Variants in SEL1L3 observed in about 807,000 individuals in gnomAD.
SEL1L3 encodes the protein protein sel-1 homolog 3.
SEL1L3 carries 76 observed loss-of-function variants against 142.8 expected under a neutral mutation model. That is an observed-to-expected ratio of 0.53 (90% confidence interval 0.44 to 0.64). SEL1L3 has a LOEUF of 0.64. Ranked by LOEUF, SEL1L3 falls within the 30% of genes least tolerant of loss-of-function variation. The pLI is 0.00. For missense variants in SEL1L3, 1,262 were observed against 1,381.7 expected (o/e 0.91, Z 1.37); for synonymous variants, 504 against 519.6 (o/e 0.97, Z 0.41).
chr4:25,761,312 C>T (rs941564895), intron 20 of SEL1L3, among the ~76,000 whole-genome samples: 2 of 152,060 alleles, frequency 1.3e-5, no homozygotes, highest in African/African-American at 4.8e-5. Context: ...CCCACAGCCA[C>T]GCATGGCTAA....
chr4:25,802,246 G>T, intron 11 of SEL1L3, 37 bp downstream of exon 11: 2 of 1,576,064 alleles, frequency 1.3e-6, no homozygotes, highest in Non-Finnish European at 1.7e-6. Flanking sequence ...AGGTAAACAG[G>T]GCCATAACCA....
chr4:25,835,256 G>A lies in SEL1L3; in HGVS notation c.801C>T (p.Phe267=), dbSNP rs80213160. 1 of 1,613,840 alleles carries A rather than the reference G, an allele frequency of 6.2e-7. No homozygotes were observed. The highest frequency in any genetic ancestry group is 1.3e-5 in the African/African-American group (1 of 74,910). Residue 267 remains phenylalanine (F), a synonymous_variant, in exon 3 of 24, where the codon TTC becomes TTT. Transcript: ENST00000399878. ...SGENTGIVKK[F]PRFRNRELEA... ...CCAGCTCTCGGTTCCGAAACCTCGG[G>A]AACTTCTTGACAATGCCTGTGTTTT...
At chr4:25,745,163 G>C (rs1211403317), downstream of SEL1L3, among the ~76,000 whole-genome samples, 3 of 152,168 alleles carry the variant, frequency 2.0e-5, no homozygotes, top group Admixed American at 6.5e-5. Flanking sequence ...GGGAGGCTGT[G>C]GTGGATGGAT....
the SEL1L3 span, among the ~76,000 whole-genome samples, chr4:25,724,759 AAAAAAAAAAAAAG>A: frequency 4.2e-3 from 326 of 77,204 alleles, 17 homozygotes; most frequent in Admixed American, 0.013. Context: ...AAAAAAAAAA[AAAAAAAAAAAAAG>A]GAAAAGAAAT....
intron 9 of SEL1L3, among the ~76,000 whole-genome samples, chr4:25,810,550 A>G (rs1288321431): frequency 6.6e-6 from 1 of 152,064 alleles, no homozygotes; most frequent in Admixed American, 6.5e-5. Flanking sequence ...CTAAAACACC[A>G]CCGTACTAGC....
intron 17 of SEL1L3, among the ~76,000 whole-genome samples, chr4:25,769,184 G>A (rs567997908): frequency 3.3e-5 from 5 of 152,212 alleles, no homozygotes; most frequent in South Asian, 2.1e-4. Context: ...GGAAAGGTTC[G>A]GTGAGGGGGA....
intron 23 of SEL1L3, chr4:25,756,958 G>A (rs4401441): frequency 0.84 from 1,043,116 of 1,248,310 alleles, 436,307 homozygotes; most frequent in East Asian, 1. Context: ...CAGTTTCTTA[G>A]GCTTTTTAAA....
rs1229684966 is a variant in SEL1L3, at chr4:25,748,352, C to A, written c.*73G>T. On this transcript the variant is annotated 3_prime_UTR_variant, in exon 24 of 24. Coordinates refer to ENST00000399878, the MANE Select transcript of SEL1L3 (RefSeq NM_015187.5). ...ATTTAAGGTGTTTATCAGGATCATG[C>A]CCTGGCCCCAGCTTCCCAATACCAG... is the stretch of plus-strand genomic sequence containing the variant. The A allele has an allele frequency of 4.1e-6, 6 of 1,457,060 alleles. No individual in the cohort carries two copies. In the East Asian group the frequency reaches 1.5e-4, roughly 36 times the overall value. 90.3% of individuals were successfully genotyped at this position (1,457,060 alleles called of 1,614,324 possible).
chr4:25,790,713 AAGG>A (rs1712266923), intron 11 of SEL1L3, 139 bp from the exon 12 acceptor site: 1 of 150,696 alleles, frequency 6.6e-6, no homozygotes, highest in South Asian at 7.9e-5. Flanking sequence ...GGAAGAAAAG[AAGG>A]AGAGAGGGAG....
chr4:25,834,582 T>C, intron 3 of SEL1L3, among the ~76,000 whole-genome samples: 1 of 152,172 alleles, frequency 6.6e-6, no homozygotes, highest in Non-Finnish European at 1.5e-5. Context: ...AGCTCCCTCC[T>C]GACCCACCCA....
chr4:25,741,254 C>T, the SEL1L3 span, among the ~76,000 whole-genome samples: 8 of 151,968 alleles, frequency 5.3e-5, no homozygotes, highest in Non-Finnish European at 1.2e-4. Context: ...CAGGCAGCCA[C>T]CACCACACCC....
chr4:25,774,299 C>A (rs115873115), intron 17 of SEL1L3, among the ~76,000 whole-genome samples: 1 of 152,122 alleles, frequency 6.6e-6, no homozygotes. Flanking sequence ...AGGCATCTCT[C>A]GAAACCTGTG....
chr4:25,804,885 C>T (rs1196496966), intron 9 of SEL1L3, 133 bp from the exon 10 acceptor site: 2 of 672,272 alleles, frequency 3.0e-6, no homozygotes, highest in Non-Finnish European at 5.3e-6. Context: ...CAAAATATAC[C>T]ACCTTCCAGG....
At chr4:25,826,582 A>T (rs907135517) in intron 6 of SEL1L3, among the ~76,000 whole-genome samples, 3 of 151,984 alleles carry the variant, frequency 2.0e-5, no homozygotes, top group Non-Finnish European at 2.9e-5. Flanking sequence ...TATTTCTCTG[A>T]TGGGGAGGTC....
At chr4:25,749,258 T>G (rs1717435057) in intron 23 of SEL1L3, among the ~76,000 whole-genome samples, 1 of 152,112 alleles carries the variant, frequency 6.6e-6, no homozygotes, top group Non-Finnish European at 1.5e-5. Flanking sequence ...AGATTTACCT[T>G]CCTGATGATC....
the SEL1L3 span, among the ~76,000 whole-genome samples, chr4:25,737,717 T>C: frequency 6.6e-6 from 1 of 152,214 alleles, no homozygotes; most frequent in Admixed American, 6.5e-5. Context: ...GTCCCTGATA[T>C]AAAATGACAT....
At chr4:25,737,741 A>G in the SEL1L3 span, among the ~76,000 whole-genome samples, 3,034 of 152,224 alleles carry the variant, frequency 0.02, 104 homozygotes, top group African/African-American at 0.069. Context: ...ATTTACACAC[A>G]ATCTATGCAT....
downstream of SEL1L3, among the ~76,000 whole-genome samples, chr4:25,746,515 T>TATATATATATTTAA (rs1553861767): frequency 0.02 from 1,405 of 70,538 alleles, 83 homozygotes; most frequent in African/African-American, 0.057. Context: ...TAAATATATA[T>TATATATATATTTAA]ATATATATAT....
intron 15 of SEL1L3, among the ~76,000 whole-genome samples, chr4:25,781,824 T>C (rs1720021523): frequency 6.6e-6 from 1 of 152,218 alleles, no homozygotes; most frequent in African/African-American, 2.4e-5. Context: ...AAGATTGCCA[T>C]TGTGTTTTCA....
Sources: gnomAD v4.1 joint callset for allele counts (sites outside exome capture counted in the v4.1 genomes callset) on GRCh38, gnomAD v4.1.1 for gene constraint, MANE v1.5 for transcripts, NCBI Gene and HGNC (gene_info 2026-07-23, HGNC 2026-07-21) for gene names.